Variants in ELOVL2 observed in about 807,000 individuals in gnomAD.
ELOVL2 encodes the protein very long chain fatty acid elongase 2.
Under a neutral mutation model 37.7 loss-of-function variants are expected in ELOVL2, and 38 were observed. The ratio of observed to expected loss-of-function variants is 1.01; its 90% CI spans 0.78 to 1.32. The LOEUF is 1.32. ELOVL2 is among the 40% of genes most tolerant of loss of function. ELOVL2 has a pLI of 0.00. For synonymous variants in ELOVL2, 115 were observed against 122.3 expected (o/e 0.94, Z 0.40); for missense variants, 352 against 363.6 (o/e 0.97, Z 0.26).
intron 1 of ELOVL2, among the ~76,000 whole-genome samples, chr6:11,037,770 T>C (rs1304721808): frequency 1.3e-5 from 2 of 152,228 alleles, no homozygotes; most frequent in African/African-American, 4.8e-5. Context: ...CATATGGATG[T>C]TGTTCACAAT....
chr6:11,024,029 A>G (rs572192239), intron 1 of ELOVL2, among the ~76,000 whole-genome samples: 2 of 152,366 alleles, frequency 1.3e-5, no homozygotes, highest in African/African-American at 4.8e-5. Context: ...CTGTTCAATC[A>G]TCAGCCCAAC....
intron 1 of ELOVL2, among the ~76,000 whole-genome samples, chr6:11,032,955 AATT>A (rs1303265110): frequency 6.6e-6 from 1 of 152,202 alleles, no homozygotes; most frequent in Non-Finnish European, 1.5e-5. Flanking sequence ...TTAGAGGTGT[AATT>A]ATTTTATTTG....
intron 1 of ELOVL2, among the ~76,000 whole-genome samples, chr6:11,037,300 G>A (rs777735465): frequency 6.6e-6 from 1 of 151,922 alleles, no homozygotes; most frequent in Non-Finnish European, 1.5e-5. Flanking sequence ...CAGTGTAATG[G>A]TCAATGAGCT....
At chr6:10,991,291 A>C (rs1042456043) in intron 5 of ELOVL2, among the ~76,000 whole-genome samples, 2 of 152,234 alleles carry the variant, frequency 1.3e-5, no homozygotes, top group African/African-American at 4.8e-5. Flanking sequence ...AAGTGCTTAG[A>C]ACAATGCTTG....
At chr6:11,022,617 A>C (rs964896296) in intron 1 of ELOVL2, among the ~76,000 whole-genome samples, 12 of 152,222 alleles carry the variant, frequency 7.9e-5, no homozygotes, top group Admixed American at 1.3e-4. Flanking sequence ...TGAGTTTGCC[A>C]CTCAGCTGTG....
In ELOVL2 at chr6:10,983,235, C is replaced by G. The variant is rs1581853945; in HGVS notation, c.*546G>C. 1 of 152,148 alleles carries G rather than the reference C, an allele frequency of 6.6e-6. No individual in the cohort carries two copies. The highest frequency in any genetic ancestry group is 6.5e-5 in the Admixed American group (1 of 15,282). 9.4% of individuals were successfully genotyped at this position (152,148 alleles called of 1,614,324 possible). On this transcript the variant is annotated 3_prime_UTR_variant, in exon 8 of 8. Coordinates refer to ENST00000354666, the MANE Select transcript of ELOVL2 (RefSeq NM_017770.4). Reference sequence around the variant, plus strand: ...ATCTGATAGACAAGACTCTGGCTTACAGAAAGAGAAGTTTTGCTAGATTTT... The same window carrying G: ...ATCTGATAGACAAGACTCTGGCTTAGAGAAAGAGAAGTTTTGCTAGATTTT...
chr6:11,032,484 A>G (rs1782946380), intron 1 of ELOVL2, among the ~76,000 whole-genome samples: 1 of 152,208 alleles, frequency 6.6e-6, no homozygotes, highest in South Asian at 2.1e-4. Flanking sequence ...CACATGCCAC[A>G]TATTTTCCAA....
intron 1 of ELOVL2, among the ~76,000 whole-genome samples, chr6:11,014,696 T>G (rs1466013687): frequency 6.6e-6 from 1 of 151,986 alleles, no homozygotes; most frequent in Non-Finnish European, 1.5e-5. Context: ...GCAAGTAGAT[T>G]GGAGTTGGTA....
chr6:11,021,605 G>T (rs1371536190), intron 1 of ELOVL2, among the ~76,000 whole-genome samples: 1 of 152,032 alleles, frequency 6.6e-6, no homozygotes, highest in Non-Finnish European at 1.5e-5. Flanking sequence ...GAGATATTGA[G>T]GCAGCAGTAA....
intron 5 of ELOVL2, among the ~76,000 whole-genome samples, 184 bp downstream of exon 5, chr6:10,994,823 G>T (rs1235558772): frequency 6.6e-6 from 1 of 152,188 alleles, no homozygotes; most frequent in African/African-American, 2.4e-5. Flanking sequence ...GATTTTGCCT[G>T]TATCAAAGAC....
chr6:11,000,246 T>C, intron 3 of ELOVL2, 82 bp from the exon 4 acceptor site: 2 of 1,292,362 alleles, frequency 1.5e-6, no homozygotes, highest in South Asian at 2.5e-5. Context: ...TTCATGTCTC[T>C]GGCATCTGTT....
At chr6:11,016,355 T>C (rs1035459335) in intron 1 of ELOVL2, among the ~76,000 whole-genome samples, 13 of 152,282 alleles carry the variant, frequency 8.5e-5, no homozygotes, top group African/African-American at 3.1e-4. Flanking sequence ...TACCACCAAC[T>C]CACTGCTTTT....
At position 11,044,007 on chromosome 6, in the gene ELOVL2, G is replaced by A. The variant is rs1369031775; in HGVS notation, c.3+221C>T. Among the ~76,000 whole-genome samples the A allele has an allele frequency of 6.6e-6, 1 of 151,586 alleles. No homozygotes were observed. The highest frequency in any genetic ancestry group is 2.4e-5 in the African/African-American group (1 of 41,316). ...GAGAGGGGACCGAGACAAAGTTCCC[G>A]AGACCCGCGGGCCTCGGGCCGACCC... On this transcript the variant is annotated intron_variant, in intron 1 of 7. Coordinates refer to ENST00000354666, the MANE Select transcript of ELOVL2 (RefSeq NM_017770.4). The surrounding 1 kb of genome is among the most constrained non-coding windows in gnomAD (Gnocchi z 5.6).
chr6:11,012,109 C>T (rs1224039464), intron 1 of ELOVL2, among the ~76,000 whole-genome samples: 1 of 152,168 alleles, frequency 6.6e-6, no homozygotes, highest in African/African-American at 2.4e-5. Context: ...ATTTGTGACT[C>T]TGATCCTGAG....
chr6:11,040,482 G>A (rs1267814361), intron 1 of ELOVL2, among the ~76,000 whole-genome samples: 1 of 151,926 alleles, frequency 6.6e-6, no homozygotes, highest in African/African-American at 2.4e-5. Flanking sequence ...TTTCTGCATT[G>A]ATTACATGTT....
At chr6:10,994,308 A>C (rs1052887554) in intron 5 of ELOVL2, among the ~76,000 whole-genome samples, 2 of 152,050 alleles carry the variant, frequency 1.3e-5, no homozygotes, top group Non-Finnish European at 2.9e-5. Context: ...CTCTACTAAA[A>C]ATACAAAAAA....
At chr6:11,026,986 C>A (rs985062710) in intron 1 of ELOVL2, among the ~76,000 whole-genome samples, 2 of 152,154 alleles carry the variant, frequency 1.3e-5, no homozygotes, top group African/African-American at 4.8e-5. Context: ...ACATCCTTAT[C>A]ATTTTTTTGT....
At chr6:10,983,973 G>C in intron 7 of ELOVL2, 67 bp from the exon 8 acceptor site, 3 of 1,372,060 alleles carry the variant, frequency 2.2e-6, no homozygotes, top group Non-Finnish European at 3.0e-6. Context: ...GTCTTTAACA[G>C]TGCATATAGT....
chr6:11,023,877 C>T (rs888693311), intron 1 of ELOVL2, among the ~76,000 whole-genome samples: 2 of 152,120 alleles, frequency 1.3e-5, no homozygotes, highest in African/African-American at 4.8e-5. Context: ...GCCTGAGCTA[C>T]GTGAGCAAAA....
Sources: gnomAD v4.1 joint callset for allele counts (sites outside exome capture counted in the v4.1 genomes callset) on GRCh38, gnomAD v4.1.1 for gene constraint, Gnocchi (gnomAD v3.1) non-coding constraint, MANE v1.5 for transcripts, NCBI Gene and HGNC (gene_info 2026-07-23, HGNC 2026-07-21) for gene names.